EIF4B: variants seen among roughly 807,000 people sequenced by gnomAD.
EIF4B encodes the protein eukaryotic translation initiation factor 4B.
In EIF4B, 8 loss-of-function variants were observed where a neutral mutation model predicts 79.3. The observed-to-expected ratio is 0.10, with a 90% CI of 0.06 to 0.18. The LOEUF is 0.18. Ranked by LOEUF, EIF4B falls within the 10% of genes least tolerant of loss-of-function variation. The probability of loss-of-function intolerance (pLI) is 1.00; values close to 1 mark genes in which losing one functional copy is unlikely to be tolerated. For missense variants in EIF4B, 515 were observed against 792.4 expected, an observed-to-expected ratio of 0.65 and a Z score of 4.20; for synonymous variants, 238 against 274.7, an observed-to-expected ratio of 0.87 and a Z score of 1.32.
At position 53,029,709 on chromosome 12, in the gene EIF4B, C is replaced by T. The variant is rs117644261; in HGVS notation, c.979+1521C>T. On this transcript the variant is annotated intron_variant, in intron 8 of 14. Coordinates refer to ENST00000262056, the MANE Select transcript of EIF4B (RefSeq NM_001417.7). ...TATCTTTAACATCTTTGTGTTAGTC[C>T]TAAACTTTGTGGCAATGGCTTTATA... 0.014 allele frequency among the ~76,000 whole-genome samples: 2,165 copies of T among 152,166 alleles called. 76 individuals carry two copies. In the East Asian group the frequency reaches 0.15, roughly 10 times the overall value.
intron 6 of EIF4B, chr12:53,025,144 C>G (rs749836550): frequency 1.1e-4 from 49 of 443,838 alleles, no homozygotes; most frequent in Non-Finnish European, 1.9e-4. Flanking sequence ...TTTTACATGA[C>G]TTTGTGACAC....
intron 10 of EIF4B, among the ~76,000 whole-genome samples, chr12:53,036,008 ACTC>A (rs923933759): frequency 1.7e-3 from 21 of 12,282 alleles, no homozygotes; most frequent in African/African-American, 5.9e-3. Flanking sequence ...CTGGTCTCAA[ACTC>A]CTAACCTCAT....
intron 1 of EIF4B, among the ~76,000 whole-genome samples, chr12:53,016,085 G>A (rs1943145115): frequency 6.6e-6 from 1 of 152,002 alleles, no homozygotes; most frequent in South Asian, 2.1e-4. Flanking sequence ...TGTGAGATAC[G>A]AATTTTTATT....
At chr12:53,020,304 G>A (rs1199093004) in intron 4 of EIF4B, among the ~76,000 whole-genome samples, 3 of 152,196 alleles carry the variant, frequency 2.0e-5, no homozygotes, top group Admixed American at 1.3e-4. Context: ...GTCTTACACT[G>A]ATTTACCCAC....
intron 8 of EIF4B, among the ~76,000 whole-genome samples, chr12:53,030,834 TAAGACTTCTG>T (rs1270909736): frequency 6.6e-6 from 1 of 152,210 alleles, no homozygotes; most frequent in Non-Finnish European, 1.5e-5. Context: ...TGTTTAATTC[TAAGACTTCTG>T]TGTGGTATAG....
At chr12:53,009,677 T>A (rs1172756074) in intron 1 of EIF4B, among the ~76,000 whole-genome samples, 1 of 152,168 alleles carries the variant, frequency 6.6e-6, no homozygotes, top group Non-Finnish European at 1.5e-5. Flanking sequence ...CACAGTGAAA[T>A]GGTTTTAAGG....
chr12:53,035,849 C>T (rs1437860019), intron 10 of EIF4B, among the ~76,000 whole-genome samples: 5 of 151,664 alleles, frequency 3.3e-5, no homozygotes, highest in East Asian at 2.0e-4. Context: ...GATGGAGTCT[C>T]GCTCTGTTAC....
At chr12:53,026,133 G>T (rs531243747) in intron 6 of EIF4B, among the ~76,000 whole-genome samples, 1 of 151,982 alleles carries the variant, frequency 6.6e-6, no homozygotes, top group South Asian at 2.1e-4. Flanking sequence ...ATCCCTGTTT[G>T]TCCCCCATAC....
chr12:53,029,377 A>AT (rs908832445), intron 8 of EIF4B, among the ~76,000 whole-genome samples: 373 of 14,176 alleles, frequency 0.026, 3 homozygotes, highest in African/African-American at 0.032. Flanking sequence ...TTTTTATTTT[A>AT]TTTTTTTTTT....
Position 53,037,587 on chromosome 12 carries a change from T to G in EIF4B, c.1485T>G (p.Ser495=), listed in dbSNP as rs1275860204. ...VKRSSNPPAR[S]QSSDTEQQSP... ...GAAGTTCTAACCCTCCTGCTCGATC[T>G]CAGAGCTCAGACACAGAGCAGCAGT... Residue 495 remains serine, a synonymous_variant, in exon 11 of 15, where the codon TCT becomes TCG. Coordinates refer to ENST00000262056, the MANE Select transcript of EIF4B (RefSeq NM_001417.7). 6 of 1,613,978 alleles carry G rather than the reference T, an allele frequency of 3.7e-6. No individual in the cohort carries two copies. The highest frequency in any genetic ancestry group is 5.1e-6 in the Non-Finnish European group (6 of 1,179,864).
chr12:53,009,121 G>T (rs1943019649), intron 1 of EIF4B, among the ~76,000 whole-genome samples: 1 of 152,184 alleles, frequency 6.6e-6, no homozygotes, highest in Non-Finnish European at 1.5e-5. Flanking sequence ...TAATAAGCCA[G>T]TTACCGCTTG....
rs1420997167 is a variant in EIF4B, at chr12:53,014,474, C to T, written c.14-1999C>T. ...GTGATCTGGTTGATCATAAACAATA[C>T]TTTTGGAGCTGGATTAATATTAAGT... is the stretch of plus-strand genomic sequence containing the variant. On this transcript the variant is annotated intron_variant, in intron 1 of 14. Transcript: ENST00000262056. The T allele has an allele frequency of 2.7e-5, 4 of 150,470 alleles. No homozygotes were observed. In the East Asian group the frequency reaches 7.8e-4, roughly 29 times the overall value. The allele number at this position is 150,470 out of a possible 1,614,324, so 9.3% of individuals were successfully genotyped here. A position where few individuals can be genotyped will look rare whatever the true frequency, so the allele number is the denominator to read the frequency against.
intron 2 of EIF4B, among the ~76,000 whole-genome samples, chr12:53,018,403 C>G (rs1423450987): frequency 1.3e-5 from 2 of 152,096 alleles, no homozygotes; most frequent in Non-Finnish European, 2.9e-5. Context: ...AAGAGGGACC[C>G]AGGTTTGAAT....
chr12:53,009,489 C>T (rs111623835), intron 1 of EIF4B, among the ~76,000 whole-genome samples: 3,707 of 88,966 alleles, frequency 0.042, 162 homozygotes, highest in African/African-American at 0.13. Flanking sequence ...AGCGAGACTC[C>T]GTCTCAAAAA....
At chr12:53,019,772 T>G (rs530795868) in intron 3 of EIF4B, 138 bp from the exon 4 acceptor site, 14 of 717,998 alleles carry the variant, frequency 1.9e-5, no homozygotes, top group African/African-American at 1.5e-4. Flanking sequence ...TCTGCATCAG[T>G]TTTCCTCCTG....
intron 6 of EIF4B, among the ~76,000 whole-genome samples, 183 bp from the exon 7 acceptor site, chr12:53,027,598 AT>A (rs1386216966): frequency 1.3e-5 from 2 of 152,120 alleles, no homozygotes; most frequent in Non-Finnish European, 2.9e-5. Flanking sequence ...GGATTTTTTA[AT>A]TTCCAACCCA....
At chr12:53,037,912 A>C (rs1183672121) in intron 11 of EIF4B, 1 of 421,432 alleles carries the variant, frequency 2.4e-6, no homozygotes, top group Non-Finnish European at 4.3e-6. Context: ...GCAGTATGGT[A>C]GGGGGTAACT....
Position 53,016,624 on chromosome 12 carries a change from T to TGTCA in EIF4B, c.151+15_151+18dup. 6.4e-7 allele frequency: 1 copy of TGTCA among 1,562,606 alleles called. No homozygotes were observed. Among genetic ancestry groups the TGTCA allele is most frequent in the Non-Finnish European group, 8.6e-7 (1 of 1,158,758 alleles). ...TGGAAGGAGATGGTAACTTTTCTTT[T>TGTCA]GTCATCGTGTTTGGAATGTTTATTA... On this transcript the variant is annotated intron_variant, in intron 2 of 14. Coordinates refer to ENST00000262056, the MANE Select transcript of EIF4B (RefSeq NM_001417.7).
In EIF4B at chr12:53,033,780, ATTAC is replaced by A. The variant is rs548396529; in HGVS notation, c.980-22_980-19del. On this transcript the variant is annotated intron_variant, in intron 8 of 14. Transcript: ENST00000262056. ...ATCAGCTTCTGGTGATTGGAAAACT[ATTAC>A]TTAAAGTTTCATTTAACTTAGGTCC... 70 of 1,562,624 alleles carry A rather than the reference ATTAC, an allele frequency of 4.5e-5. No individual in the cohort carries two copies. The Admixed American group carries it at 9.1e-4, about 20-fold the overall frequency.
Sources: allele counts gnomAD v4.1 joint callset (sites outside exome capture counted in the v4.1 genomes callset), GRCh38; gene constraint gnomAD v4.1.1; transcripts MANE v1.5; gene names NCBI Gene and HGNC (gene_info 2026-07-23, HGNC 2026-07-21).